Variants in TMEM164 observed in about 807,000 individuals in gnomAD.
TMEM164 encodes transmembrane protein 164, also known as RP13-360B22.2.
In TMEM164, 4 loss-of-function variants were observed where a neutral mutation model predicts 18.8. That is an observed-to-expected ratio of 0.21 (90% confidence interval 0.10 to 0.49). The LOEUF (loss-of-function observed/expected upper bound fraction) is 0.49. Ranked by LOEUF, TMEM164 falls within the 20% of genes least tolerant of loss-of-function variation. The pLI, the probability that TMEM164 is intolerant of heterozygous loss-of-function variation, is 0.98. For synonymous variants in TMEM164, 86 were observed against 101.7 expected (o/e 0.85, Z 0.93); for missense variants, 108 against 239.9 (o/e 0.45, Z 3.63).
intron 5 of TMEM164, among the ~76,000 whole-genome samples, chrX:110,162,760 A>G (rs191874020): frequency 2.7e-5 from 3 of 111,879 alleles, no homozygotes; most frequent in Admixed American, 9.5e-5. Flanking sequence ...ATGGGAATAC[A>G]TTGTTGTCAG....
intron 2 of TMEM164, among the ~76,000 whole-genome samples, chrX:110,062,158 A>C (rs774090093): frequency 8.9e-6 from 1 of 111,949 alleles, no homozygotes; most frequent in African/African-American, 3.2e-5. Flanking sequence ...AGCCTGGGAA[A>C]ATTTTTTGCA....
intron 3 of TMEM164, among the ~76,000 whole-genome samples, chrX:110,076,637 GC>G (rs755001526): frequency 1.8e-5 from 2 of 111,311 alleles, no homozygotes; most frequent in African/African-American, 6.5e-5. Flanking sequence ...TACTGTTTTT[GC>G]TGCATCCTAT....
chrX:110,127,301 T>A (rs1268866780), intron 4 of TMEM164, among the ~76,000 whole-genome samples: 1 of 110,575 alleles, frequency 9.0e-6, no homozygotes, highest in Non-Finnish European at 1.9e-5. Context: ...TCACCTGAGG[T>A]TGGCAGTTCG....
chrX:110,108,997 C>G, intron 3 of TMEM164, 83 bp from the exon 4 acceptor site: 1 of 913,275 alleles, frequency 1.1e-6, no homozygotes, highest in East Asian at 3.1e-5. Context: ...TTCCATATGC[C>G]GTGGCTTAAC....
chrX:110,181,869 TC>T (rs1054144079), downstream of TMEM164, among the ~76,000 whole-genome samples: 5 of 112,333 alleles, frequency 4.5e-5, no homozygotes, highest in African/African-American at 1.6e-4. Context: ...CTATGCTTGT[TC>T]CCAGAGCACA....
chrX:110,118,999 C>A (rs1202026723), intron 4 of TMEM164, among the ~76,000 whole-genome samples: 1 of 110,970 alleles, frequency 9.0e-6, no homozygotes, highest in East Asian at 2.8e-4. Flanking sequence ...TTCTGGGGAT[C>A]CCTCTCACAT....
intron 4 of TMEM164, among the ~76,000 whole-genome samples, chrX:110,123,676 G>A (rs956310650): frequency 2.7e-5 from 3 of 112,489 alleles, no homozygotes; most frequent in Admixed American, 9.4e-5. Context: ...CTGTACAACA[G>A]AAATATTACC....
intron 4 of TMEM164, among the ~76,000 whole-genome samples, chrX:110,138,162 C>T (rs1264960969): frequency 8.9e-6 from 1 of 111,968 alleles, no homozygotes; most frequent in African/African-American, 3.3e-5. Context: ...TTCCTGGTTA[C>T]TGGCTGGATT....
At chrX:110,104,479 A>G (rs1053137995) in intron 3 of TMEM164, among the ~76,000 whole-genome samples, 6 of 112,130 alleles carry the variant, frequency 5.4e-5, no homozygotes, top group African/African-American at 1.9e-4. Flanking sequence ...TACAAAGTGC[A>G]CTAGTCATGC....
At chrX:110,085,121 G>GCA (rs2065832173) in intron 3 of TMEM164, among the ~76,000 whole-genome samples, 6 of 107,106 alleles carry the variant, frequency 5.6e-5, no homozygotes, top group Admixed American at 4.0e-4. Context: ...AGAGTGATAT[G>GCA]CATTTTCCTT....
At chrX:110,094,915 T>C (rs778002762) in intron 3 of TMEM164, among the ~76,000 whole-genome samples, 622 of 111,562 alleles carry the variant, frequency 5.6e-3, no homozygotes, top group African/African-American at 0.019. Context: ...CTGTAAAGGA[T>C]TTTATTTCTC....
At chrX:110,147,352 G>A (rs767450679) in intron 5 of TMEM164, among the ~76,000 whole-genome samples, 13 of 111,920 alleles carry the variant, frequency 1.2e-4, no homozygotes, top group Non-Finnish European at 2.4e-4. Flanking sequence ...ACAAGGTGAT[G>A]CTACGCTATA....
intron 4 of TMEM164, among the ~76,000 whole-genome samples, chrX:110,120,489 A>G (rs1027809328): frequency 1.8e-5 from 2 of 111,926 alleles, no homozygotes; most frequent in Non-Finnish European, 3.8e-5. Flanking sequence ...GCACCTAATA[A>G]TTGCACATAT....
chrX:110,153,650 A>G (rs192902413), intron 5 of TMEM164, among the ~76,000 whole-genome samples: 14 of 112,516 alleles, frequency 1.2e-4, no homozygotes, highest in Admixed American at 5.6e-4. Flanking sequence ...ATGACGTAGT[A>G]TTTGCATCTA....
chrX:110,150,718 G>A (rs1327253586), intron 5 of TMEM164, among the ~76,000 whole-genome samples: 3 of 111,689 alleles, frequency 2.7e-5, no homozygotes, highest in African/African-American at 9.8e-5. Flanking sequence ...TCCTAAAATA[G>A]CAAATACACA....
chrX:110,057,019 CGTGTGT>C (rs746781728), intron 2 of TMEM164, among the ~76,000 whole-genome samples: 1 of 109,267 alleles, frequency 9.2e-6, no homozygotes, highest in Non-Finnish European at 1.9e-5. Context: ...TGTGTGTATG[CGTGTGT>C]GTGTGTGTTG....
At chrX:110,134,142 G>C (rs779144162) in intron 4 of TMEM164, among the ~76,000 whole-genome samples, 18 of 111,516 alleles carry the variant, frequency 1.6e-4, no homozygotes, top group Non-Finnish European at 3.0e-4. Context: ...TTTGACATTA[G>C]GGAGCTGGCT....
chrX:110,183,427 A>C (rs898599397), downstream of TMEM164, among the ~76,000 whole-genome samples: 1 of 112,567 alleles, frequency 8.9e-6, no homozygotes, highest in Non-Finnish European at 1.9e-5. Flanking sequence ...GGTTCTGTGC[A>C]TTTGAGATTG....
intron 2 of TMEM164, among the ~76,000 whole-genome samples, chrX:110,035,673 T>G (rs1934761442): frequency 9.0e-6 from 1 of 110,548 alleles, no homozygotes; most frequent in South Asian, 3.8e-4. Flanking sequence ...CCAGCTAATT[T>G]TTGTATTTTT....
Sources: gnomAD v4.1 joint callset for allele counts (sites outside exome capture counted in the v4.1 genomes callset) on GRCh38, gnomAD v4.1.1 for gene constraint, MANE v1.5 for transcripts, NCBI Gene and HGNC (gene_info 2026-07-23, HGNC 2026-07-21) for gene names.